RARG: variants seen among roughly 807,000 people sequenced by gnomAD.
RARG encodes the protein RAR-gamma.
Under a neutral mutation model 43.7 loss-of-function variants are expected in RARG, and 17 were observed. The ratio of observed to expected loss-of-function variants is 0.39; its 90% CI spans 0.27 to 0.58. The LOEUF is 0.58. RARG is among the 20% of genes least tolerant of loss of function. RARG has a pLI of 0.57. For synonymous variants in RARG, 238 were observed against 236.4 expected (o/e 1.01, Z -0.06); for missense variants, 346 against 598.7 (o/e 0.58, Z 4.40).
Position 53,214,503 on chromosome 12 carries a change from G to A in RARG, c.579C>T (p.Val193=). 6.2e-7 allele frequency: 1 copy of A among 1,613,966 alleles called. No homozygotes were observed. The highest frequency in any genetic ancestry group is 1.1e-5 in the South Asian group (1 of 91,084). The change falls in exon 6 of 10, where the codon GTC becomes GTT. Residue 193 remains valine, a synonymous_variant. Transcript: ENST00000425354. ...SPQLEELITK[V]SKAHQETFPS... ...GGAAAGTCTCCTGATGGGCTTTGCT[G>A]ACCTTGGTGATGAGCTCTTCTAACT...
chr12:53,215,231 G>A lies in RARG; in HGVS notation c.475+62C>T, dbSNP rs2120626589. 6.3e-7 allele frequency: 1 copy of A among 1,581,544 alleles called. No individual in the cohort carries two copies. Among genetic ancestry groups the A allele is most frequent in the East Asian group, 2.2e-5 (1 of 44,654 alleles). ...GGGAAGTGGGAGTGGCCAGAGGAAA[G>A]AGGGCCACAGCCATAGGGTAGGACC... On this transcript the variant is annotated intron_variant, in intron 5 of 9. Coordinates refer to ENST00000425354, the MANE Select transcript of RARG (RefSeq NM_000966.6). This position sits in a 1 kb window ranked among gnomAD's most constrained non-coding sequence, Gnocchi z 6.4.
At chr12:53,223,851 A>G (rs2120712510) in intron 3 of RARG, among the ~76,000 whole-genome samples, 1 of 152,214 alleles carries the variant, frequency 6.6e-6, no homozygotes, top group African/African-American at 2.4e-5. Flanking sequence ...GTGGTGACTT[A>G]GTGTGGTGAA....
chr12:53,230,799 G>A (rs1370555519), intron 2 of RARG, among the ~76,000 whole-genome samples: 2 of 151,896 alleles, frequency 1.3e-5, no homozygotes, highest in Admixed American at 6.6e-5. Context: ...GTGGGGGGGC[G>A]TGCCCCATGC....
chr12:53,232,045 G>T lies in RARG; in HGVS notation c.-281C>A. 1 of 398,422 alleles carries T rather than the reference G, an allele frequency of 2.5e-6. No homozygotes were observed. Among genetic ancestry groups the T allele is most frequent in the African/African-American group, 2.1e-5 (1 of 48,734 alleles). The allele number at this position is 398,422 out of a possible 1,614,324, so 24.7% of individuals were successfully genotyped here. A position where few individuals can be genotyped will look rare whatever the true frequency, so the allele number is the denominator to read the frequency against. The stretch of plus-strand genomic sequence containing the variant: ...CGTCGGGCAGTCTCTTGGATGGAGC[G>T]TCGCAATGTCCGGGGCTCGCCGTAC... On this transcript the variant is annotated 5_prime_UTR_variant, in exon 1 of 10. Coordinates refer to ENST00000425354, the MANE Select transcript of RARG (RefSeq NM_000966.6).
In RARG at chr12:53,213,299, G is replaced by T; in HGVS notation, c.1019-56C>A. 6.6e-7 allele frequency: 1 copy of T among 1,508,858 alleles called. No homozygotes were observed. 93.5% of individuals were successfully genotyped at this position (1,508,858 alleles called of 1,614,324 possible). ...GGAAGGAAGAGATGGGGAAGACACA[G>T]TGACAGATGGCTGATCACCAACCGG... On this transcript the variant is annotated intron_variant, in intron 8 of 9. Transcript: ENST00000425354. This position sits in a 1 kb window ranked among gnomAD's most constrained non-coding sequence, Gnocchi z 4.7.
At chr12:53,223,473 AG>A (rs1282366721) in intron 3 of RARG, among the ~76,000 whole-genome samples, 2 of 90,332 alleles carry the variant, frequency 2.2e-5, no homozygotes, top group Admixed American at 1.2e-4. Context: ...GGGCCAGGAG[AG>A]GGGGGTGCAG....
intron 2 of RARG, among the ~76,000 whole-genome samples, chr12:53,229,156 TG>T (rs929975994): frequency 6.6e-6 from 1 of 152,124 alleles, no homozygotes; most frequent in Non-Finnish European, 1.5e-5. Flanking sequence ...CACCCCAGCC[TG>T]GGTATCTCCA....
chr12:53,219,874 C>A, intron 3 of RARG: 1 of 1,329,418 alleles, frequency 7.5e-7, no homozygotes, highest in South Asian at 1.6e-5. Flanking sequence ...ACCTCAGTTC[C>A]ACTCTTTACA....
rs113327454 is a variant in RARG, at chr12:53,226,043, T to A, written c.184+1319A>T. 8.3e-3 allele frequency among the ~76,000 whole-genome samples: 1,259 copies of A among 152,318 alleles called. 21 individuals carry two copies. Among genetic ancestry groups the A allele is most frequent in the African/African-American group, 0.029 (1,207 of 41,568 alleles). Reference sequence around the variant, plus strand: ...TCCTCCCCAGAACCAAGAAGCACAGTCTCCTGACCCCACACATCTTTGGGG... The same window carrying A: ...TCCTCCCCAGAACCAAGAAGCACAGACTCCTGACCCCACACATCTTTGGGG... On this transcript the variant is annotated intron_variant, in intron 3 of 9. Coordinates refer to ENST00000425354, the MANE Select transcript of RARG (RefSeq NM_000966.6).
Position 53,215,012 on chromosome 12 carries a change from A to G in RARG, c.475+281T>C, listed in dbSNP as rs1227460964. Reference sequence around the variant, plus strand: ...TCCAGGGGAGGGAAAGGGACTGGCAAGCCCACTGGCTTCATTTCCCCCATG... The same window carrying G: ...TCCAGGGGAGGGAAAGGGACTGGCAGGCCCACTGGCTTCATTTCCCCCATG... On this transcript the variant is annotated intron_variant, in intron 5 of 9. Transcript: ENST00000425354. This position sits in a 1 kb window ranked among gnomAD's most constrained non-coding sequence, Gnocchi z 6.4. Among the ~76,000 whole-genome samples the G allele has an allele frequency of 2.6e-5, 4 of 152,296 alleles. No individual in the cohort carries two copies. The highest frequency in any genetic ancestry group is 1.5e-5 in the Non-Finnish European group (1 of 68,014).
intron 9 of RARG, 93 bp downstream of exon 9, chr12:53,212,992 C>T: frequency 7.2e-7 from 1 of 1,389,894 alleles, no homozygotes; most frequent in East Asian, 2.4e-5. Context: ...TGGTTCTCAA[C>T]TACTCTGTTC....
At chr12:53,224,303 C>T (rs1943057579) in intron 3 of RARG, among the ~76,000 whole-genome samples, 1 of 151,820 alleles carries the variant, frequency 6.6e-6, no homozygotes, top group South Asian at 2.1e-4. Context: ...ACAAGGATGT[C>T]CCCAAGGTGC....
rs1042494 is a variant in RARG at position 53,211,156 on chromosome 12, C to T, written c.*520G>A. 6.5e-6 allele frequency: 1 copy of T among 153,042 alleles called. No homozygotes were observed. Among genetic ancestry groups the T allele is most frequent in the Non-Finnish European group, 1.5e-5 (1 of 68,338 alleles). 9.5% of individuals were successfully genotyped at this position (153,042 alleles called of 1,614,324 possible). ...CTGCCCCAGAAATGCAGGGCCCAGC[C>T]TGCCCCCACCTTGACCTGGCACAAG... On this transcript the variant is annotated 3_prime_UTR_variant, in exon 10 of 10. Coordinates refer to ENST00000425354, the MANE Select transcript of RARG (RefSeq NM_000966.6). The surrounding 1 kb of genome is among the most constrained non-coding windows in gnomAD (Gnocchi z 4.6).
intron 3 of RARG, among the ~76,000 whole-genome samples, chr12:53,219,219 A>G (rs1942874002): frequency 6.6e-6 from 1 of 152,222 alleles, no homozygotes; most frequent in African/African-American, 2.4e-5. Flanking sequence ...TGTGTGTTGG[A>G]GCCATAGGAA....
In RARG at chr12:53,211,907, A is replaced by T. The variant is rs187547615; in HGVS notation, c.1178-44T>A. ...GAGAGAGGCTCAGGAGGACAGAGGC[A>T]CATGGCCCTTAAGGCCATCTCCCTA... On this transcript the variant is annotated intron_variant, in intron 9 of 9. Transcript: ENST00000425354. The surrounding 1 kb of genome is among the most constrained non-coding windows in gnomAD (Gnocchi z 4.6). The T allele has an allele frequency of 3.5e-4, 469 of 1,352,000 alleles. 4 individuals are homozygous for T. In the Admixed American group the frequency reaches 0.013, roughly 37 times the overall value. 83.8% of individuals were successfully genotyped at this position (1,352,000 alleles called of 1,614,324 possible). A position where few individuals can be genotyped will look rare whatever the true frequency, so the allele number is the denominator to read the frequency against.
Position 53,211,471 on chromosome 12 carries a change from C to G in RARG, c.*205G>C. On this transcript the variant is annotated 3_prime_UTR_variant, in exon 10 of 10. Coordinates refer to ENST00000425354, the MANE Select transcript of RARG (RefSeq NM_000966.6). This position sits in a 1 kb window ranked among gnomAD's most constrained non-coding sequence, Gnocchi z 4.6. ...CTCTCCTGGTGGGAGCAGGGCAGGCCCCCGGGACTGGCGAGGGAGCCGGTT... is the reference window on the plus strand; with the variant it reads ...CTCTCCTGGTGGGAGCAGGGCAGGCGCCCGGGACTGGCGAGGGAGCCGGTT... The G allele has an allele frequency of 2.2e-6, 1 of 460,276 alleles. No homozygotes were observed. Among genetic ancestry groups the G allele is most frequent in the Non-Finnish European group, 3.7e-6 (1 of 267,744 alleles). The allele number at this position is 460,276 out of a possible 1,614,324, so 28.5% of individuals were successfully genotyped here.
At position 53,231,228 on chromosome 12, in the gene RARG, C is replaced by G. The variant is rs1038593159; in HGVS notation, c.-202G>C. The G allele has an allele frequency of 1.3e-5, 2 of 152,224 alleles. No individual in the cohort carries two copies. Among genetic ancestry groups the G allele is most frequent in the African/African-American group, 4.8e-5 (2 of 41,430 alleles). The allele number at this position is 152,224 out of a possible 1,614,324, so 9.4% of individuals were successfully genotyped here. On this transcript the variant is annotated 5_prime_UTR_variant, in exon 2 of 10. Transcript: ENST00000425354. The stretch of plus-strand genomic sequence containing the variant: ...CTGGGTCAGGTTGAGGGAACTGGGC[C>G]GTAGCTGCTAAAGACAGAGAGGCAG...
At chr12:53,224,184 C>T (rs981908750) in intron 3 of RARG, among the ~76,000 whole-genome samples, 12 of 152,062 alleles carry the variant, frequency 7.9e-5, no homozygotes, top group Non-Finnish European at 1.5e-4. Flanking sequence ...CTCAGCAGCA[C>T]GTGCTCCCTG....
chr12:53,225,520 C>T (rs533910349), intron 3 of RARG, among the ~76,000 whole-genome samples: 1 of 152,350 alleles, frequency 6.6e-6, no homozygotes, highest in South Asian at 2.1e-4. Flanking sequence ...AGACACACAA[C>T]CCTCTGCGTG....
Sources: allele counts gnomAD v4.1 joint callset (sites outside exome capture counted in the v4.1 genomes callset), GRCh38; gene constraint gnomAD v4.1.1; non-coding constraint Gnocchi (gnomAD v3.1); transcripts MANE v1.5; gene names NCBI Gene and HGNC (gene_info 2026-07-23, HGNC 2026-07-21).